Variants in PRKG2 observed in about 807,000 individuals in gnomAD.
PRKG2 encodes protein kinase cGMP-dependent 2.
In PRKG2, 33 loss-of-function variants were observed where a neutral mutation model predicts 97.2. The ratio of observed to expected loss-of-function variants is 0.34; its 90% CI spans 0.26 to 0.45. The LOEUF (loss-of-function observed/expected upper bound fraction) is 0.45. Ranked by LOEUF, PRKG2 falls within the 20% of genes least tolerant of loss-of-function variation. The probability of loss-of-function intolerance (pLI) is 1.00; values close to 1 mark genes in which losing one functional copy is unlikely to be tolerated. For synonymous variants in PRKG2, 330 were observed against 321.8 expected (o/e 1.03, Z -0.27); for missense variants, 638 against 900.0 (o/e 0.71, Z 3.73).
chr4:81,161,164 T>G (rs945961021), intron 6 of PRKG2, among the ~76,000 whole-genome samples: 8 of 152,176 alleles, frequency 5.3e-5, no homozygotes, highest in Non-Finnish European at 1.2e-4. Flanking sequence ...CTAACAAACA[T>G]GCGTTTTATT....
chr4:81,154,709 C>T (rs776112289), intron 6 of PRKG2, among the ~76,000 whole-genome samples: 15 of 152,234 alleles, frequency 9.9e-5, no homozygotes, highest in African/African-American at 1.4e-4. Context: ...AAAAGCAGAG[C>T]GCCTCTCCTC....
intron 15 of PRKG2, among the ~76,000 whole-genome samples, chr4:81,107,292 G>C (rs1743442605): frequency 6.6e-6 from 1 of 152,106 alleles, no homozygotes; most frequent in Admixed American, 6.5e-5. Context: ...AGTGTGACTT[G>C]CGGAGTCATC....
intron 17 of PRKG2, among the ~76,000 whole-genome samples, chr4:81,093,406 A>ACACACACACAC (rs1560528537): frequency 5.2e-4 from 62 of 120,200 alleles, no homozygotes; most frequent in African/African-American, 2.1e-3. Flanking sequence ...CACACACACA[A>ACACACACACAC]GCTTCTTATC....
intron 5 of PRKG2, among the ~76,000 whole-genome samples, chr4:81,168,439 T>A (rs548085897): frequency 6.6e-6 from 1 of 152,250 alleles, no homozygotes; most frequent in South Asian, 2.1e-4. Flanking sequence ...ACTAAGAACA[T>A]ACTAGACTCC....
chr4:81,099,595 C>T (rs1742500732), intron 17 of PRKG2, among the ~76,000 whole-genome samples: 1 of 152,140 alleles, frequency 6.6e-6, no homozygotes, highest in African/African-American at 2.4e-5. Flanking sequence ...GACAAACCCA[C>T]AGCCAATATC....
In PRKG2 at chr4:81,110,750, A is replaced by ACACAAAGAG. The variant is rs1553919002; in HGVS notation, c.1777-140_1777-139insCTCTTTGTG. On this transcript the variant is annotated intron_variant, in intron 14 of 18. Coordinates refer to ENST00000264399, the MANE Select transcript of PRKG2 (RefSeq NM_006259.3). ...ATGCACACACACACACACACACACA[A>ACACAAAGAG]AGAGAGAGAGAGAGAGACAGACAGA... 8.5e-4 allele frequency: 305 copies of ACACAAAGAG among 358,914 alleles called. No individual in the cohort carries two copies. In the African/African-American group the frequency reaches 9.2e-3, roughly 11 times the overall value. The allele number at this position is 358,914 out of a possible 1,614,324, so 22.2% of individuals were successfully genotyped here.
chr4:81,164,943 A>G (rs898831062), intron 6 of PRKG2: 2 of 152,168 alleles, frequency 1.3e-5, no homozygotes, highest in Non-Finnish European at 2.9e-5. Flanking sequence ...ATTCATCACC[A>G]TGTGTGGGGG....
intron 1 of PRKG2, among the ~76,000 whole-genome samples, chr4:81,212,368 G>T (rs1377102725): frequency 7.7e-6 from 1 of 129,106 alleles, no homozygotes; most frequent in South Asian, 2.6e-4. Context: ...TCAGCTATTT[G>T]GGGGGCTACA....
In PRKG2 at chr4:81,202,184, G is replaced by T. The variant is rs987950947; in HGVS notation, c.461+2403C>A. Among the ~76,000 whole-genome samples, 3 of 152,068 alleles carry T rather than the reference G, an allele frequency of 2.0e-5. No individual in the cohort carries two copies. The East Asian group carries it at 5.8e-4, about 29-fold the overall frequency. On this transcript the variant is annotated intron_variant, in intron 2 of 18. Transcript: ENST00000264399. ...AATTGTTTCTTACAAATTTTTGACA[G>T]GCTGTATAATATAAAAGAGATATAA...
At chr4:81,169,618 T>G (rs373771027) in intron 5 of PRKG2, 45 bp downstream of exon 5, 12 of 1,325,906 alleles carry the variant, frequency 9.1e-6, no homozygotes, top group Non-Finnish European at 1.3e-5. Flanking sequence ...ATTCACAATA[T>G]GGCGACTCCA....
intron 17 of PRKG2, among the ~76,000 whole-genome samples, chr4:81,095,515 A>G (rs1374828148): frequency 6.6e-6 from 1 of 152,224 alleles, no homozygotes; most frequent in Non-Finnish European, 1.5e-5. Flanking sequence ...AAAAATCATT[A>G]CCATCACTCT....
upstream of PRKG2, among the ~76,000 whole-genome samples, chr4:81,217,513 T>C (rs1369034961): frequency 6.6e-6 from 1 of 152,204 alleles, no homozygotes; most frequent in African/African-American, 2.4e-5. Context: ...TGACCACTTT[T>C]TGAGCTTTTA....
At chr4:81,095,325 C>G (rs549220777) in intron 17 of PRKG2, among the ~76,000 whole-genome samples, 1 of 152,298 alleles carries the variant, frequency 6.6e-6, no homozygotes, top group Non-Finnish European at 1.5e-5. Context: ...TGCTGTAAAA[C>G]CACAGAAGTC....
chr4:81,090,083 C>T (rs567096046), intron 18 of PRKG2, among the ~76,000 whole-genome samples: 29 of 152,306 alleles, frequency 1.9e-4, no homozygotes, highest in Admixed American at 1.3e-4. Flanking sequence ...ATAGGCCAGG[C>T]GCTGTGGCTC....
rs754859740 is a variant in PRKG2, at chr4:81,089,812, G to A, written c.2194-9C>T. 11 of 1,577,578 alleles carry A rather than the reference G, an allele frequency of 7.0e-6. No homozygotes were observed. The South Asian group carries it at 1.0e-4, about 14-fold the overall frequency. ...TCTATGGGTCCCTTGAGCTAATATA[G>A]AAATAATTAAAACAAAAGGAAGAAT... On this transcript the variant is annotated splice_polypyrimidine_tract_variant and intron_variant, in intron 18 of 18. Coordinates refer to ENST00000264399, the MANE Select transcript of PRKG2 (RefSeq NM_006259.3).
chr4:81,205,183 C>A, intron 1 of PRKG2, 123 bp from the exon 2 acceptor site: 23 of 602,412 alleles, frequency 3.8e-5, no homozygotes, highest in South Asian at 1.6e-4. Flanking sequence ...GTTTGAAAAG[C>A]AATAAACTTC....
chr4:81,208,210 T>C (rs1753781926), intron 1 of PRKG2, among the ~76,000 whole-genome samples: 1 of 152,188 alleles, frequency 6.6e-6, no homozygotes, highest in Non-Finnish European at 1.5e-5. Flanking sequence ...TATATTTATA[T>C]CCATCTCGTA....
chr4:81,197,842 A>G (rs6849299), intron 2 of PRKG2, among the ~76,000 whole-genome samples: 25,726 of 152,248 alleles, frequency 0.17, 2,587 homozygotes, highest in African/African-American at 0.25. Context: ...GTGGAAGAAA[A>G]TATTAAAGAA....
intron 3 of PRKG2, among the ~76,000 whole-genome samples, chr4:81,172,915 G>GA (rs942312271): frequency 2.0e-5 from 3 of 151,302 alleles, no homozygotes; most frequent in East Asian, 1.9e-4. Context: ...TACTAGCAAG[G>GA]AAAAAAAACA....
Sources: allele counts gnomAD v4.1 joint callset (sites outside exome capture counted in the v4.1 genomes callset), GRCh38; gene constraint gnomAD v4.1.1; transcripts MANE v1.5; gene names NCBI Gene and HGNC (gene_info 2026-07-23, HGNC 2026-07-21).